Variants in EYS observed in about 807,000 individuals in gnomAD.
The protein encoded by EYS is EGF-like photoreceptor maintenance factor.
In EYS, 250 loss-of-function variants were observed where a neutral mutation model predicts 282.1. The ratio of observed to expected loss-of-function variants is 0.89; its 90% CI spans 0.80 to 0.98. EYS has a LOEUF of 0.98. Among genes scored for constraint, EYS ranks in the 50% least tolerant of loss-of-function variants. The probability of loss-of-function intolerance (pLI) is 0.00; values close to 1 mark genes in which losing one functional copy is unlikely to be tolerated. For synonymous variants in EYS, 1,355 were observed against 1,282.9 expected (o/e 1.06, Z -1.20); for missense variants, 4,016 against 3,709.0 (o/e 1.08, Z -2.15).
At chr6:65,344,350 C>A (rs1429841507) in intron 9 of EYS, among the ~76,000 whole-genome samples, 173 bp from the exon 10 acceptor site, 2 of 151,578 alleles carry the variant, frequency 1.3e-5, no homozygotes, top group Non-Finnish European at 3.0e-5. Context: ...CAAAGCCCAA[C>A]ACTCTCATTT....
At position 64,874,414 on chromosome 6, in the gene EYS, T is replaced by A. The variant is rs1766682735; in HGVS notation, c.2992+12283A>T. 1.3e-5 allele frequency among the ~76,000 whole-genome samples: 2 copies of A among 152,094 alleles called. 1 individual carries two copies. Among genetic ancestry groups the A allele is most frequent in the South Asian group, 4.1e-4 (2 of 4,830 alleles). ...ATTGTAATGTCTCAGATACTGACAG[T>A]AAGGATTTCCATACTTTAAAAAGTA... On this transcript the variant is annotated intron_variant, in intron 19 of 42. Transcript: ENST00000503581.
intron 2 of EYS, among the ~76,000 whole-genome samples, chr6:65,519,916 G>T: frequency 6.8e-6 from 1 of 146,256 alleles, no homozygotes; most frequent in Non-Finnish European, 1.5e-5. Context: ...TAGAGATGAG[G>T]TTTCACCATG....
chr6:64,380,333 C>T (rs1772702605), intron 29 of EYS, among the ~76,000 whole-genome samples: 1 of 152,136 alleles, frequency 6.6e-6, no homozygotes, highest in African/African-American at 2.4e-5. Context: ...CTACTTGGCC[C>T]TCTATCTGGT....
intron 5 of EYS, among the ~76,000 whole-genome samples, chr6:65,447,328 G>A (rs375676017): frequency 2.2e-4 from 28 of 128,446 alleles, no homozygotes; most frequent in South Asian, 5.0e-4. Context: ...ATATATATGT[G>A]TGTGTATATA....
chr6:65,103,893 G>A (rs1774963193), intron 12 of EYS, among the ~76,000 whole-genome samples: 1 of 151,432 alleles, frequency 6.6e-6, no homozygotes, highest in African/African-American at 2.4e-5. Flanking sequence ...TAGAAATGCA[G>A]TCAGGTGGTA....
chr6:65,574,084 T>C (rs150741194), intron 2 of EYS, among the ~76,000 whole-genome samples: 1 of 152,162 alleles, frequency 6.6e-6, no homozygotes, highest in Non-Finnish European at 1.5e-5. Context: ...GCACTAGTGC[T>C]ATTACTGCCC....
intron 12 of EYS, among the ~76,000 whole-genome samples, chr6:65,115,557 TA>T (rs1233357148): frequency 6.6e-6 from 1 of 152,088 alleles, no homozygotes; most frequent in African/African-American, 2.4e-5. Context: ...AAAATTTATA[TA>T]TTACATCTTA....
intron 22 of EYS, among the ~76,000 whole-genome samples, chr6:64,690,893 G>A (rs1219930581): frequency 6.6e-6 from 1 of 151,986 alleles, no homozygotes; most frequent in African/African-American, 2.4e-5. Flanking sequence ...ATGCATTAAT[G>A]GGTGCAGCAC....
At chr6:65,488,125 G>C (rs1367135879) in intron 5 of EYS, among the ~76,000 whole-genome samples, 2 of 152,002 alleles carry the variant, frequency 1.3e-5, no homozygotes, top group Admixed American at 1.3e-4. Context: ...CAAAAAACCA[G>C]CTCCTGGATT....
intron 11 of EYS, among the ~76,000 whole-genome samples, chr6:65,309,800 A>G (rs1224096296): frequency 2.0e-5 from 3 of 152,190 alleles, no homozygotes; most frequent in Non-Finnish European, 4.4e-5. Context: ...CTGCCAATTT[A>G]GCAGCACGTC....
chr6:64,324,504 A>G (rs949025047), intron 29 of EYS, among the ~76,000 whole-genome samples: 7 of 152,192 alleles, frequency 4.6e-5, no homozygotes, highest in Non-Finnish European at 8.8e-5. Context: ...GCCATTTATG[A>G]CAATTCCATA....
intron 33 of EYS, among the ~76,000 whole-genome samples, chr6:64,056,032 C>CTAAATTAAGGAAAATATG: frequency 6.6e-6 from 1 of 152,224 alleles, no homozygotes; most frequent in East Asian, 1.9e-4. Context: ...GTCCTCTTGA[C>CTAAATTAAGGAAAATATG]TAAATTAAGG....
At chr6:64,447,410 T>C (rs927027765) in intron 26 of EYS, among the ~76,000 whole-genome samples, 3 of 152,130 alleles carry the variant, frequency 2.0e-5, no homozygotes, top group African/African-American at 7.2e-5. Flanking sequence ...ATTTACTTAG[T>C]ATATGATAGG....
At chr6:65,259,961 C>A (rs72883272) in intron 12 of EYS, among the ~76,000 whole-genome samples, 24,374 of 151,972 alleles carry the variant, frequency 0.16, 2,135 homozygotes, top group Non-Finnish European at 0.2. Flanking sequence ...CTTTAATTTA[C>A]GCAATATATT....
At position 64,902,452 on chromosome 6, in the gene EYS, A is replaced by T; in HGVS notation, c.2690T>A (p.Leu897His). ...CEIDVKDCLF[L>H]SCQDYGDCED... is the part of the protein sequence containing the mutation. ...ACAGTCACCATAATCCTGGCAGGAA[A>T]GGAAGAGGCAGTCTTTCACATCAAT... is the stretch of plus-strand genomic sequence containing the variant. Residue 897 changes from leucine to histidine, a missense_variant, in exon 17 of 43, where the codon CTT (leucine) becomes CAT (histidine). Leu to His is a moderately conservative substitution (Grantham distance 99). Transcript: ENST00000503581. 1 of 1,534,568 alleles carries T rather than the reference A, an allele frequency of 6.5e-7. No individual in the cohort carries two copies. Among genetic ancestry groups the T allele is most frequent in the South Asian group, 1.3e-5 (1 of 79,680 alleles).
chr6:64,592,030 T>A (rs1766429345), intron 25 of EYS, 41 bp from the exon 26 acceptor site: 5 of 1,398,852 alleles, frequency 3.6e-6, no homozygotes, highest in African/African-American at 1.4e-5. Flanking sequence ...GAAAAATGAA[T>A]CAGAAACGAA....
intron 15 of EYS, among the ~76,000 whole-genome samples, chr6:64,922,214 A>C (rs1768368589): frequency 6.6e-6 from 1 of 152,234 alleles, no homozygotes; most frequent in Non-Finnish European, 1.5e-5. Flanking sequence ...ATATGTGTTC[A>C]CACACAAGCA....
intron 29 of EYS, among the ~76,000 whole-genome samples, chr6:64,321,706 G>C (rs1770224666): frequency 6.6e-6 from 1 of 151,828 alleles, no homozygotes; most frequent in African/African-American, 2.4e-5. Flanking sequence ...CTGATTCTAA[G>C]GCCATATGGA....
intron 15 of EYS, among the ~76,000 whole-genome samples, chr6:64,917,036 G>T (rs918124039): frequency 6.6e-6 from 1 of 152,170 alleles, no homozygotes; most frequent in African/African-American, 2.4e-5. Flanking sequence ...GGATCACGAG[G>T]TCAGGAAATC....
Sources: gnomAD v4.1 joint callset for allele counts (sites outside exome capture counted in the v4.1 genomes callset) on GRCh38, gnomAD v4.1.1 for gene constraint, MANE v1.5 for transcripts, NCBI Gene and HGNC (gene_info 2026-07-23, HGNC 2026-07-21) for gene names.